Variants in ZNF536 observed in about 807,000 individuals in gnomAD.
ZNF536 encodes zinc finger protein 536.
ZNF536 carries 13 observed loss-of-function variants against 84.5 expected under a neutral mutation model. The ratio of observed to expected loss-of-function variants is 0.15; its 90% confidence interval spans 0.10 to 0.24. ZNF536 has a LOEUF of 0.24. ZNF536 is among the 10% of genes least tolerant of loss of function. ZNF536 has a pLI of 1.00. For synonymous variants in ZNF536, 811 were observed against 742.5 expected (o/e 1.09, Z -1.50); for missense variants, 1,536 against 1,747.5 (o/e 0.88, Z 2.16).
Position 30,573,909 on chromosome 19 carries a change from G to T in ZNF536, c.169+24395G>T, listed in dbSNP as rs370040059. Among the ~76,000 whole-genome samples the T allele has an allele frequency of 3.5e-4, 53 of 152,334 alleles. 1 individual carries two copies. Among genetic ancestry groups the T allele is most frequent in the African/African-American group, 1.2e-3 (51 of 41,570 alleles). On this transcript the variant is annotated intron_variant, in intron 1 of 1. Coordinates refer to the ZNF536 transcript ENST00000592773. ...TTCCAACATGATGGCCATGACAGTG[G>T]TGGTGCCACCCAAGGTGCAGAGGAG...
rs577471352 is a variant in ZNF536 at position 30,513,640 on chromosome 19, C to CA, written c.2171-21206dup. Among the ~76,000 whole-genome samples, 726 of 152,236 alleles carry CA rather than the reference C, an allele frequency of 4.8e-3. 5 individuals are homozygous for CA. The highest frequency in any genetic ancestry group is 0.016 in the African/African-American group (680 of 41,528). ...TCAGAAGAAATGAACCAGGCTACAA[C>CA]AGGGACAGACAGGGAGGTGTGTCTA... On this transcript the variant is annotated intron_variant, in intron 2 of 4. Coordinates refer to ENST00000355537, the MANE Select transcript of ZNF536 (RefSeq NM_014717.3).
intron 2 of ZNF536, chr19:30,296,073 G>A (rs562954990): frequency 6.6e-6 from 1 of 152,340 alleles, no homozygotes; most frequent in East Asian, 1.9e-4. Flanking sequence ...TGGGCTTCAA[G>A]CACCGTGCTC....
intron 1 of ZNF536, among the ~76,000 whole-genome samples, chr19:30,239,213 G>T (rs180808932): frequency 6.6e-6 from 1 of 152,326 alleles, no homozygotes; most frequent in East Asian, 1.9e-4. Context: ...ATGGGGTCCT[G>T]TCAATGACCC....
At chr19:30,333,382 G>C (rs1239556007) in intron 2 of ZNF536, among the ~76,000 whole-genome samples, 1 of 152,106 alleles carries the variant, frequency 6.6e-6, no homozygotes, top group Non-Finnish European at 1.5e-5. Flanking sequence ...GAGAAGTGTC[G>C]CCCATGCTTC....
intron 2 of ZNF536, among the ~76,000 whole-genome samples, chr19:30,455,578 G>T (rs1468073039): frequency 6.6e-6 from 1 of 152,166 alleles, no homozygotes; most frequent in African/African-American, 2.4e-5. Context: ...GCATATGCCT[G>T]TAGTCCCAGC....
chr19:30,538,456 CT>C (rs556360002), intron 3 of ZNF536, among the ~76,000 whole-genome samples: 76 of 152,208 alleles, frequency 5.0e-4, no homozygotes, highest in Non-Finnish European at 9.6e-4. Context: ...TTTCTCCCCA[CT>C]GCATTAACTC....
At chr19:30,390,554 G>A (rs1289902483) in intron 1 of ZNF536, among the ~76,000 whole-genome samples, 4 of 152,190 alleles carry the variant, frequency 2.6e-5, no homozygotes, top group African/African-American at 9.7e-5. Context: ...AATCTTCCTA[G>A]CCAGGCTCTT....
chr19:30,441,279 G>T (rs1450247693), intron 1 of ZNF536, among the ~76,000 whole-genome samples: 1 of 152,256 alleles, frequency 6.6e-6, no homozygotes, highest in Non-Finnish European at 1.5e-5. Flanking sequence ...TGGAGCTGTT[G>T]GGTGGAATTC....
intron 1 of ZNF536, among the ~76,000 whole-genome samples, chr19:30,683,328 A>C (rs2147842155): frequency 6.6e-6 from 1 of 152,312 alleles, no homozygotes; most frequent in South Asian, 2.1e-4. Context: ...ATGTGATTTG[A>C]CCATGAGCTC....
At chr19:30,409,188 A>G (rs1322917814) in intron 1 of ZNF536, among the ~76,000 whole-genome samples, 2 of 152,210 alleles carry the variant, frequency 1.3e-5, no homozygotes, top group African/African-American at 4.8e-5. Context: ...CATCTCTGGT[A>G]TGTAGAATGG....
At chr19:30,291,803 T>G (rs2145808447) in intron 2 of ZNF536, among the ~76,000 whole-genome samples, 1 of 152,370 alleles carries the variant, frequency 6.6e-6, no homozygotes, top group Admixed American at 6.5e-5. Context: ...GCTCTTAGTA[T>G]GGTTCTGCCT....
intron 1 of ZNF536, among the ~76,000 whole-genome samples, chr19:30,251,026 T>A (rs754685210): frequency 6.6e-6 from 1 of 152,152 alleles, no homozygotes; most frequent in Non-Finnish European, 1.5e-5. Flanking sequence ...TTGATACCCA[T>A]GACCCGGTCT....
intron 3 of ZNF536, among the ~76,000 whole-genome samples, chr19:30,362,974 G>A (rs144802494): frequency 3.9e-5 from 6 of 152,146 alleles, no homozygotes; most frequent in Non-Finnish European, 7.4e-5. Context: ...CCAGAGAATC[G>A]CTTGAACCCG....
At chr19:30,651,934 G>T (rs2049722788) in intron 1 of ZNF536, among the ~76,000 whole-genome samples, 1 of 152,204 alleles carries the variant, frequency 6.6e-6, no homozygotes, top group South Asian at 2.1e-4. Context: ...AAACAAAAAT[G>T]CTAAGAGCTG....
chr19:30,558,412 A>T (rs1466446347), downstream of ZNF536, among the ~76,000 whole-genome samples: 1 of 152,156 alleles, frequency 6.6e-6, no homozygotes, highest in Non-Finnish European at 1.5e-5. Context: ...GGTGGAGGGT[A>T]CTTGGGCACG....
rs201216296 is a variant in ZNF536 at position 30,458,451 on chromosome 19, T to TC, written c.2170+12719_2170+12720insC. The stretch of plus-strand genomic sequence containing the variant: ...GTATTTCCTCAATTTCCTGCTGTTT[T>TC]TTTTTTTTTTTTTTTTTTTGACCGA... On this transcript the variant is annotated intron_variant, in intron 2 of 4. Transcript: ENST00000355537. 2.1e-5 allele frequency among the ~76,000 whole-genome samples: 3 copies of TC among 142,112 alleles called. No homozygotes were observed. The East Asian group carries it at 6.0e-4, about 29-fold the overall frequency. 93.2% of individuals were successfully genotyped at this position (142,112 alleles called of 152,430 possible). A position where few individuals can be genotyped will look rare whatever the true frequency, so the allele number is the denominator to read the frequency against.
intron 1 of ZNF536, among the ~76,000 whole-genome samples, chr19:30,698,950 T>C (rs533494617): frequency 1.7e-4 from 26 of 152,362 alleles, no homozygotes; most frequent in Admixed American, 1.6e-3. Flanking sequence ...CAATCATTTA[T>C]GCCAGTATGA....
At chr19:30,674,952 C>T (rs185260532) in intron 1 of ZNF536, among the ~76,000 whole-genome samples, 77 of 152,190 alleles carry the variant, frequency 5.1e-4, no homozygotes, top group African/African-American at 1.7e-3. Flanking sequence ...CTTACCTGCC[C>T]GCCTTGTCAA....
chr19:30,253,964 G>A (rs1403212871), intron 1 of ZNF536, among the ~76,000 whole-genome samples: 1 of 151,464 alleles, frequency 6.6e-6, no homozygotes, highest in African/African-American at 2.4e-5. Context: ...AGCTGTTCCT[G>A]TTCTTTAAGA....
Sources: gnomAD v4.1 joint callset for allele counts (sites outside exome capture counted in the v4.1 genomes callset) on GRCh38, gnomAD v4.1.1 for gene constraint, MANE v1.5 for transcripts, NCBI Gene and HGNC (gene_info 2026-07-23, HGNC 2026-07-21) for gene names.